ZBTB7C: variants seen among roughly 807,000 people sequenced by gnomAD.
ZBTB7C encodes the protein zinc finger and BTB domain containing 7C.
ZBTB7C carries 8 observed loss-of-function variants against 25.7 expected under a neutral mutation model. The observed-to-expected ratio is 0.31, with a 90% CI of 0.18 to 0.56. ZBTB7C has a LOEUF of 0.56. Among genes scored for constraint, ZBTB7C ranks in the 20% least tolerant of loss-of-function variants. The pLI, the probability that ZBTB7C is intolerant of heterozygous loss-of-function variation, is 0.91. For synonymous variants in ZBTB7C, 394 were observed against 369.0 expected (o/e 1.07, Z -0.78); for missense variants, 824 against 855.2 (o/e 0.96, Z 0.46).
intron 3 of ZBTB7C, among the ~76,000 whole-genome samples, chr18:48,052,983 CT>C (rs2036756483): frequency 1.3e-5 from 2 of 152,276 alleles, no homozygotes; most frequent in Non-Finnish European, 2.9e-5. Flanking sequence ...ACCCCCTTCA[CT>C]TTAGTTCTCT....
At chr18:48,064,174 A>T (rs2037233109) in intron 3 of ZBTB7C, among the ~76,000 whole-genome samples, 1 of 152,214 alleles carries the variant, frequency 6.6e-6, no homozygotes, top group Admixed American at 6.5e-5. Context: ...CCCATTCCAA[A>T]GTATATCTCT....
intron 2 of ZBTB7C, among the ~76,000 whole-genome samples, chr18:48,268,104 C>A (rs547218546): frequency 2.9e-4 from 44 of 152,326 alleles, no homozygotes; most frequent in African/African-American, 1.0e-3. Context: ...TTTCAATAGG[C>A]AAATGAGAAC....
intron 2 of ZBTB7C, among the ~76,000 whole-genome samples, chr18:48,285,857 C>T (rs2045031850): frequency 6.6e-6 from 1 of 151,936 alleles, no homozygotes; most frequent in Non-Finnish European, 1.5e-5. Context: ...GTTTGTTGCT[C>T]CTGGTCCTTG....
intron 1 of ZBTB7C, among the ~76,000 whole-genome samples, chr18:48,381,299 C>T (rs4940364): frequency 0.67 from 101,095 of 152,012 alleles, 34,500 homozygotes; most frequent in East Asian, 0.76. Context: ...AAGATGATAG[C>T]TATGCACCAG....
chr18:48,341,988 G>A (rs1197735710), intron 1 of ZBTB7C, among the ~76,000 whole-genome samples: 1 of 152,196 alleles, frequency 6.6e-6, no homozygotes, highest in Non-Finnish European at 1.5e-5. Context: ...GCCATTGTGG[G>A]GCTCAGGCAG....
chr18:48,404,142 T>C (rs2048224342), intron 1 of ZBTB7C, among the ~76,000 whole-genome samples: 2 of 152,050 alleles, frequency 1.3e-5, no homozygotes, highest in South Asian at 4.1e-4. Context: ...ATCCCAGCTA[T>C]TCAGGAAGCT....
At chr18:48,319,564 C>T (rs2046040164) in intron 2 of ZBTB7C, among the ~76,000 whole-genome samples, 4 of 152,070 alleles carry the variant, frequency 2.6e-5, no homozygotes, top group African/African-American at 4.8e-5. Context: ...GATCTGAATA[C>T]ATTATTAAGT....
chr18:48,048,734 T>C (rs1056670552), intron 3 of ZBTB7C, among the ~76,000 whole-genome samples: 1 of 151,500 alleles, frequency 6.6e-6, no homozygotes, highest in Non-Finnish European at 1.5e-5. Context: ...TTCTGCACAG[T>C]TTTGCAGAGA....
At chr18:48,354,145 T>G (rs549142426) in intron 1 of ZBTB7C, among the ~76,000 whole-genome samples, 2 of 152,310 alleles carry the variant, frequency 1.3e-5, no homozygotes, top group East Asian at 3.9e-4. Flanking sequence ...AACTCCATCT[T>G]TCTTTGAGGC....
chr18:48,053,456 C>G (rs2036779149), intron 3 of ZBTB7C, among the ~76,000 whole-genome samples: 1 of 152,226 alleles, frequency 6.6e-6, no homozygotes, highest in African/African-American at 2.4e-5. Flanking sequence ...GAGATGTACT[C>G]TGGGTGCCCA....
chr18:48,273,326 A>T (rs2044546984), intron 2 of ZBTB7C, among the ~76,000 whole-genome samples: 2 of 152,168 alleles, frequency 1.3e-5, no homozygotes, highest in African/African-American at 4.8e-5. Flanking sequence ...ACTCAGTAAG[A>T]CTTACATGTT....
At chr18:48,036,502 C>T (rs2035977230) in intron 4 of ZBTB7C, among the ~76,000 whole-genome samples, 1 of 152,220 alleles carries the variant, frequency 6.6e-6, no homozygotes, top group African/African-American at 2.4e-5. Flanking sequence ...TCACAAGACC[C>T]TGAGCTCTTC....
chr18:48,119,698 C>G (rs1317288103), intron 3 of ZBTB7C, among the ~76,000 whole-genome samples: 1 of 152,220 alleles, frequency 6.6e-6, no homozygotes, highest in African/African-American at 2.4e-5. Context: ...TAGGTCCATC[C>G]TGGGTGCCTG....
chr18:48,330,564 T>C (rs112093546), intron 2 of ZBTB7C, among the ~76,000 whole-genome samples: 4,963 of 151,516 alleles, frequency 0.033, 105 homozygotes, highest in South Asian at 0.098. Context: ...AAAAGTGATA[T>C]GATGATGATG....
intron 4 of ZBTB7C, among the ~76,000 whole-genome samples, chr18:48,039,625 C>T (rs200720064): frequency 1.3e-5 from 2 of 152,200 alleles, no homozygotes; most frequent in African/African-American, 2.4e-5. Context: ...GTGCTTGAGG[C>T]GCCTCACTTC....
intron 4 of ZBTB7C, among the ~76,000 whole-genome samples, chr18:48,039,364 G>A (rs990824357): frequency 1.3e-5 from 2 of 152,208 alleles, no homozygotes; most frequent in Non-Finnish European, 2.9e-5. Context: ...TGCTTGGTCA[G>A]CTAGCCACTG....
At chr18:48,253,256 T>C (rs553642441) in intron 2 of ZBTB7C, among the ~76,000 whole-genome samples, 32 of 152,136 alleles carry the variant, frequency 2.1e-4, no homozygotes, top group Middle Eastern at 6.8e-3. Context: ...GCCAGGGATC[T>C]AGTCAAGGTA....
At chr18:48,180,506 T>C in intron 3 of ZBTB7C, 1 of 368,864 alleles carries the variant, frequency 2.7e-6, no homozygotes, top group Non-Finnish European at 5.4e-6. Flanking sequence ...GAAGCAGGCA[T>C]GGGTGGTGTT....
chr18:48,342,848 C>T (rs1327354571), intron 1 of ZBTB7C, among the ~76,000 whole-genome samples: 1 of 152,138 alleles, frequency 6.6e-6, no homozygotes, highest in East Asian at 1.9e-4. Context: ...TGTTGCCGGA[C>T]ACACTTCTAC....
Sources: gnomAD v4.1 joint callset for allele counts (sites outside exome capture counted in the v4.1 genomes callset) on GRCh38, gnomAD v4.1.1 for gene constraint, MANE v1.5 for transcripts, NCBI Gene and HGNC (gene_info 2026-07-23, HGNC 2026-07-21) for gene names.